HMGCLL1: variants seen among roughly 807,000 people sequenced by gnomAD.
HMGCLL1 encodes 3-hydroxy-3-methylglutaryl-CoA lyase like 1, also known as 3-hydroxymethyl-3-methylglutaryl-CoA lyase, cytoplasmic.
A neutral mutation model predicts 39.1 loss-of-function variants in HMGCLL1; 36 were observed. The ratio of observed to expected loss-of-function variants is 0.92; its 90% CI spans 0.71 to 1.22. The LOEUF is 1.22. Ranked by LOEUF, HMGCLL1 falls within the 50% of genes most tolerant of loss-of-function variation. The pLI is 0.00. For synonymous variants in HMGCLL1, 149 were observed against 144.0 expected (o/e 1.03, Z -0.25); for missense variants, 451 against 416.5 (o/e 1.08, Z -0.72).
At chr6:55,524,088 T>G (rs138388987) in intron 3 of HMGCLL1, among the ~76,000 whole-genome samples, 292 of 152,002 alleles carry the variant, frequency 1.9e-3, no homozygotes, top group African/African-American at 6.3e-3. Context: ...AAGTATTAGA[T>G]TACATCTTAA....
At chr6:55,600,672 T>A in the HMGCLL1 span, among the ~76,000 whole-genome samples, 1 of 152,066 alleles carries the variant, frequency 6.6e-6, no homozygotes, top group Non-Finnish European at 1.5e-5. Context: ...AATAAAAAAA[T>A]TAACATAAAA....
At chr6:55,510,954 T>G (rs1767427929) in intron 5 of HMGCLL1, among the ~76,000 whole-genome samples, 1 of 151,820 alleles carries the variant, frequency 6.6e-6, no homozygotes, top group Non-Finnish European at 1.5e-5. Context: ...TAATGTCATT[T>G]CAATAAAGAG....
the HMGCLL1 span, among the ~76,000 whole-genome samples, chr6:55,650,124 TA>T: frequency 2.2e-3 from 153 of 69,050 alleles, 3 homozygotes; most frequent in African/African-American, 8.4e-3. Context: ...TATATATATA[TA>T]TATATATATA....
At chr6:55,555,347 A>G (rs2127467346) in intron 1 of HMGCLL1, among the ~76,000 whole-genome samples, 1 of 152,236 alleles carries the variant, frequency 6.6e-6, no homozygotes, top group Admixed American at 6.5e-5. Context: ...AGTCAACAAC[A>G]ACAACAACAA....
At chr6:55,491,052 G>A (rs1766285017) in intron 7 of HMGCLL1, among the ~76,000 whole-genome samples, 1 of 152,044 alleles carries the variant, frequency 6.6e-6, no homozygotes, top group African/African-American at 2.4e-5. Flanking sequence ...TGTTATCAAG[G>A]CATCATTCTA....
chr6:55,450,155 C>T (rs1764019936), intron 7 of HMGCLL1, among the ~76,000 whole-genome samples: 2 of 152,238 alleles, frequency 1.3e-5, no homozygotes, highest in South Asian at 4.1e-4. Context: ...TGTCACAAGC[C>T]AGGGTAGAAA....
At chr6:55,477,219 TAA>T (rs1765378877) in intron 7 of HMGCLL1, among the ~76,000 whole-genome samples, 1 of 13,714 alleles carries the variant, frequency 7.3e-5, no homozygotes, top group Non-Finnish European at 1.0e-4. Flanking sequence ...TATTATATTA[TAA>T]TATATAATAT....
chr6:55,665,876 T>C, the HMGCLL1 span, among the ~76,000 whole-genome samples: 2 of 151,792 alleles, frequency 1.3e-5, no homozygotes, highest in Non-Finnish European at 1.5e-5. Flanking sequence ...CTCTAAGTTA[T>C]GTTATATAAT....
At chr6:55,446,770 A>G (rs1763860459) in intron 7 of HMGCLL1, among the ~76,000 whole-genome samples, 1 of 152,032 alleles carries the variant, frequency 6.6e-6, no homozygotes, top group African/African-American at 2.4e-5. Context: ...GTAAAAAATC[A>G]TCTTGCAAAA....
At chr6:55,668,297 A>G in the HMGCLL1 span, among the ~76,000 whole-genome samples, 1 of 151,902 alleles carries the variant, frequency 6.6e-6, no homozygotes, top group Non-Finnish European at 1.5e-5. Context: ...GGGTTAACAG[A>G]ATTGTCCCTA....
intron 1 of HMGCLL1, among the ~76,000 whole-genome samples, chr6:55,554,112 T>C (rs1306331163): frequency 1.3e-5 from 2 of 152,118 alleles, no homozygotes; most frequent in Non-Finnish European, 2.9e-5. Flanking sequence ...GGCTCAATAA[T>C]GCCATAAGTG....
chr6:55,659,067 A>G, the HMGCLL1 span, among the ~76,000 whole-genome samples: 3 of 151,924 alleles, frequency 2.0e-5, no homozygotes, highest in African/African-American at 7.2e-5. Context: ...TAATGTTAGC[A>G]CAATATGAAG....
At chr6:55,471,740 T>G (rs1413611456) in intron 7 of HMGCLL1, among the ~76,000 whole-genome samples, 1 of 151,568 alleles carries the variant, frequency 6.6e-6, no homozygotes, top group Non-Finnish European at 1.5e-5. Context: ...GCACAAATCA[T>G]AAGTATACAG....
chr6:55,495,951 A>G (rs942984461), intron 6 of HMGCLL1, among the ~76,000 whole-genome samples: 6 of 152,150 alleles, frequency 3.9e-5, no homozygotes, highest in African/African-American at 1.4e-4. Flanking sequence ...AAACCAAAGC[A>G]TTACAGATCT....
chr6:55,660,392 T>C, the HMGCLL1 span, among the ~76,000 whole-genome samples: 3 of 151,680 alleles, frequency 2.0e-5, no homozygotes, highest in Non-Finnish European at 4.4e-5. Flanking sequence ...CAATTAGCCC[T>C]GGTGTCTATT....
Position 55,435,088 on chromosome 6 carries a change from A to G in HMGCLL1, c.*574T>C, listed in dbSNP as rs1763317927. 1 of 152,586 alleles carries G rather than the reference A, an allele frequency of 6.6e-6. No individual in the cohort carries two copies. The highest frequency in any genetic ancestry group is 1.9e-4 in the East Asian group (1 of 5,196). 9.5% of individuals were successfully genotyped at this position (152,586 alleles called of 1,614,324 possible). A position where few individuals can be genotyped will look rare whatever the true frequency, so the allele number is the denominator to read the frequency against. On this transcript the variant is annotated 3_prime_UTR_variant, in exon 9 of 9. Transcript: ENST00000274901. ...TGGCCACAGCCTCTTGGAACCAGAT[A>G]AAGTCACTGAAATAGTTAACAGATG...
At chr6:55,613,014 AC>A in the HMGCLL1 span, among the ~76,000 whole-genome samples, 1 of 152,212 alleles carries the variant, frequency 6.6e-6, no homozygotes, top group Non-Finnish European at 1.5e-5. Flanking sequence ...TGAATAGGCA[AC>A]CTAGAGAATG....
intron 7 of HMGCLL1, among the ~76,000 whole-genome samples, chr6:55,484,710 ATATACT>A (rs1323085003): frequency 1.3e-5 from 2 of 152,120 alleles, no homozygotes; most frequent in African/African-American, 2.4e-5. Flanking sequence ...AAATTTAAAA[ATATACT>A]TAGAATATGC....
At chr6:55,678,908 C>T in the HMGCLL1 span, among the ~76,000 whole-genome samples, 1 of 152,306 alleles carries the variant, frequency 6.6e-6, no homozygotes, top group East Asian at 1.9e-4. Context: ...CTCTTGTTAA[C>T]ATTAACTTGG....
Sources: allele counts gnomAD v4.1 joint callset (sites outside exome capture counted in the v4.1 genomes callset), GRCh38; gene constraint gnomAD v4.1.1; transcripts MANE v1.5; gene names NCBI Gene and HGNC (gene_info 2026-07-23, HGNC 2026-07-21).